NEMP2: variants seen among roughly 807,000 people sequenced by gnomAD.
NEMP2 encodes the protein UPF0571 transmembrane protein.
NEMP2 carries 53 observed loss-of-function variants against 54.2 expected under a neutral mutation model. The ratio of observed to expected loss-of-function variants is 0.98; its 90% CI spans 0.78 to 1.23. The LOEUF is 1.23. Among genes scored for constraint, NEMP2 ranks in the 50% most tolerant of loss-of-function variants. The pLI, the probability that NEMP2 is intolerant of heterozygous loss-of-function variation, is 0.00. For missense variants in NEMP2, 455 were observed against 511.3 expected, an observed-to-expected ratio of 0.89 and a Z score of 1.06; for synonymous variants, 197 against 190.3, an observed-to-expected ratio of 1.04 and a Z score of -0.29.
chr2:190,548,220 C>CT, the NEMP2 span, among the ~76,000 whole-genome samples: 75 of 149,416 alleles, frequency 5.0e-4, no homozygotes, highest in Non-Finnish European at 7.3e-4. Context: ...GATGGCACTC[C>CT]TTTTTTTTTT....
the NEMP2 span, among the ~76,000 whole-genome samples, chr2:190,575,260 G>T: frequency 6.6e-6 from 1 of 151,930 alleles, no homozygotes; most frequent in Non-Finnish European, 1.5e-5. Flanking sequence ...ACTCTGCAAA[G>T]CTTTGCTCAA....
rs561813848 is a variant in NEMP2 at position 190,527,232 on chromosome 2, T to A, written c.98-1854A>T. 3.9e-5 allele frequency among the ~76,000 whole-genome samples: 6 copies of A among 152,276 alleles called. No individual in the cohort carries two copies. In the South Asian group the frequency reaches 1.2e-3, roughly 32 times the overall value. ...GCTAGAACAACTTGCTACACCAAAG[T>A]TGGGGAAGGACTGAGTAAACAGTAA... On this transcript the variant is annotated intron_variant, in intron 1 of 8. Transcript: ENST00000409150. The surrounding 1 kb of genome is among the most constrained non-coding windows in gnomAD (Gnocchi z 4.0).
chr2:190,538,993 T>C (rs1345550756), upstream of NEMP2, among the ~76,000 whole-genome samples: 1 of 152,228 alleles, frequency 6.6e-6, no homozygotes, highest in African/African-American at 2.4e-5. The surrounding 1 kb of genome is among the most constrained non-coding windows in gnomAD (Gnocchi z 4.1). Flanking sequence ...ATTTTTTCTT[T>C]GGTTCCCTGT....
chr2:190,636,013 G>A, the NEMP2 span, among the ~76,000 whole-genome samples: 2 of 152,204 alleles, frequency 1.3e-5, no homozygotes, highest in Non-Finnish European at 2.9e-5. Context: ...CCACAGGCGT[G>A]TGCCATCATG....
chr2:190,469,989 T>TC, the NEMP2 span: 1 of 614,498 alleles, frequency 1.6e-6, no homozygotes, highest in Non-Finnish European at 2.8e-6. This position sits in a 1 kb window ranked among gnomAD's most constrained non-coding sequence, Gnocchi z 5.3. Context: ...AAGTGGTTGT[T>TC]AAGGAAGAGA....
chr2:190,464,020 T>G, the NEMP2 span: 137 of 450,712 alleles, frequency 3.0e-4, no homozygotes, highest in South Asian at 3.7e-4. Flanking sequence ...CAGCCAGGTA[T>G]AGCTGAGGAA....
At chr2:190,648,287 C>G in the NEMP2 span, 1 of 152,292 alleles carries the variant, frequency 6.6e-6, no homozygotes, top group Non-Finnish European at 1.5e-5. Flanking sequence ...CTCCTCCTCC[C>G]GTCCCAACGC....
chr2:190,455,930 TCTG>T, the NEMP2 span, among the ~76,000 whole-genome samples: 1 of 129,232 alleles, frequency 7.7e-6, no homozygotes, highest in Non-Finnish European at 1.6e-5. Flanking sequence ...TTGTATTTAC[TCTG>T]CTTTTTTTTT....
the NEMP2 span, chr2:190,626,711 C>T: frequency 6.6e-6 from 1 of 152,340 alleles, no homozygotes; most frequent in South Asian, 2.1e-4. The surrounding 1 kb of genome is among the most constrained non-coding windows in gnomAD (Gnocchi z 4.5). Context: ...TCGGTCCAGT[C>T]ATGCCTCATC....
Position 190,519,214 on chromosome 2 carries a change from C to G in NEMP2, c.214-31G>C. Reference sequence around the variant, plus strand: ...AAACAAGAACAAGCAAATCCATAAACAGAATAACTTCTCTTTTTTGTTTTG... The same window carrying G: ...AAACAAGAACAAGCAAATCCATAAAGAGAATAACTTCTCTTTTTTGTTTTG... On this transcript the variant is annotated intron_variant, in intron 2 of 8. Coordinates refer to ENST00000409150, the MANE Select transcript of NEMP2 (RefSeq NM_001142645.2). This position sits in a 1 kb window ranked among gnomAD's most constrained non-coding sequence, Gnocchi z 5.4. The G allele has an allele frequency of 9.9e-6, 14 of 1,420,628 alleles. No individual in the cohort carries two copies. The highest frequency in any genetic ancestry group is 1.4e-5 in the African/African-American group (1 of 70,336). The allele number at this position is 1,420,628 out of a possible 1,614,324, so 88.0% of individuals were successfully genotyped here.
the NEMP2 span, among the ~76,000 whole-genome samples, chr2:190,640,311 G>A: frequency 2.8e-3 from 420 of 152,088 alleles, 2 homozygotes; most frequent in Non-Finnish European, 4.7e-3. Flanking sequence ...CTCTTGGTTC[G>A]ACTTGCCAAA....
chr2:190,575,729 G>C, the NEMP2 span, among the ~76,000 whole-genome samples: 1 of 152,078 alleles, frequency 6.6e-6, no homozygotes, highest in Non-Finnish European at 1.5e-5. Context: ...GGTGGTGCAC[G>C]CCTGTAATCC....
chr2:190,597,540 G>C, the NEMP2 span, among the ~76,000 whole-genome samples: 1 of 152,116 alleles, frequency 6.6e-6, no homozygotes, highest in African/African-American at 2.4e-5. The surrounding 1 kb of genome is among the most constrained non-coding windows in gnomAD (Gnocchi z 4.7). Flanking sequence ...GACAAAAAGA[G>C]CATCTAACTG....
chr2:190,633,535 A>G, the NEMP2 span, among the ~76,000 whole-genome samples: 3 of 151,966 alleles, frequency 2.0e-5, no homozygotes, highest in Admixed American at 6.5e-5. Context: ...GCTGGTCTCA[A>G]ACTCCTGACC....
At chr2:190,571,429 G>C in the NEMP2 span, among the ~76,000 whole-genome samples, 2 of 151,962 alleles carry the variant, frequency 1.3e-5, no homozygotes, top group Non-Finnish European at 2.9e-5. Context: ...TGTCATCCCA[G>C]CTACTCTGGA....
the NEMP2 span, among the ~76,000 whole-genome samples, chr2:190,602,010 G>A: frequency 1.1e-4 from 17 of 152,226 alleles, no homozygotes; most frequent in African/African-American, 4.1e-4. Context: ...AACTCAAGCT[G>A]GCTAAAATGA....
At position 190,522,755 on chromosome 2, in the gene NEMP2, C is replaced by T. The variant is rs549267265; in HGVS notation, c.213+2508G>A. Among the ~76,000 whole-genome samples the T allele has an allele frequency of 6.9e-4, 105 of 152,236 alleles. No homozygotes were observed. The highest frequency in any genetic ancestry group is 1.1e-3 in the Non-Finnish European group (73 of 68,014). ...ATCTCCATGATAAAACTTTGGTCTCCGCAATTACTTATGATAACCCAGACA... is the reference window on the plus strand; with the variant it reads ...ATCTCCATGATAAAACTTTGGTCTCTGCAATTACTTATGATAACCCAGACA... On this transcript the variant is annotated intron_variant, in intron 2 of 8. Transcript: ENST00000409150. This position sits in a 1 kb window ranked among gnomAD's most constrained non-coding sequence, Gnocchi z 5.0.
the NEMP2 span, chr2:190,469,907 GC>G: frequency 7.4e-7 from 1 of 1,356,128 alleles, no homozygotes; most frequent in Non-Finnish European, 1.0e-6. The surrounding 1 kb of genome is among the most constrained non-coding windows in gnomAD (Gnocchi z 5.3). Context: ...CTGAGCTGTG[GC>G]TAAAAGCCCA....
the NEMP2 span, among the ~76,000 whole-genome samples, chr2:190,458,192 G>A: frequency 1.3e-5 from 2 of 152,172 alleles, no homozygotes; most frequent in East Asian, 3.9e-4. This position sits in a 1 kb window ranked among gnomAD's most constrained non-coding sequence, Gnocchi z 5.3. Context: ...CTGAATTGTG[G>A]CCCCTGAAGA....
Sources: allele counts gnomAD v4.1 joint callset (sites outside exome capture counted in the v4.1 genomes callset), GRCh38; gene constraint gnomAD v4.1.1; non-coding constraint Gnocchi (gnomAD v3.1); transcripts MANE v1.5; gene names NCBI Gene and HGNC (gene_info 2026-07-23, HGNC 2026-07-21).